RPE65: variants seen among roughly 807,000 people sequenced by gnomAD.
The protein encoded by RPE65 is retinoid isomerohydrolase.
In RPE65, 58 loss-of-function variants were observed where a neutral mutation model predicts 68.5. The ratio of observed to expected loss-of-function variants is 0.85; its 90% CI spans 0.69 to 1.05. The LOEUF is 1.05. RPE65 is among the 50% of genes least tolerant of loss of function. RPE65 has a pLI of 0.00. For synonymous variants in RPE65, 220 were observed against 222.2 expected (o/e 0.99, Z 0.09); for missense variants, 643 against 629.9 (o/e 1.02, Z -0.22).
chr1:68,448,500 A>G, intron 2 of RPE65, 124 bp downstream of exon 2: 1 of 869,260 alleles, frequency 1.2e-6, no homozygotes, highest in Non-Finnish European at 1.9e-6. Flanking sequence ...AAAAAGCCCA[A>G]ACCACCTGAT....
Position 68,429,592 on chromosome 1 carries a change from T to A in RPE65, c.*184A>T. On this transcript the variant is annotated 3_prime_UTR_variant, in exon 14 of 14. Transcript: ENST00000262340. ...AAGTATGATTATCTAAATACGTACTTTTTTTTTTAAATAAAGGAATTGCTT... is the reference window on the plus strand; with the variant it reads ...AAGTATGATTATCTAAATACGTACTATTTTTTTTAAATAAAGGAATTGCTT... 1 of 645,944 alleles carries A rather than the reference T, an allele frequency of 1.5e-6. No homozygotes were observed. The highest frequency in any genetic ancestry group is 2.6e-6 in the Non-Finnish European group (1 of 378,942). 40.0% of individuals were successfully genotyped at this position (645,944 alleles called of 1,614,324 possible).
In RPE65 at chr1:68,431,376, G is replaced by A. The variant is rs1064795255; in HGVS notation, c.1244C>T (p.Ala415Val). ...PEVLFSGPRQ[A>V]FEFPQINYQK... is the part of the protein sequence containing the mutation. ...GTAATTGATTTGAGGAAACTCAAAT[G>A]CTACGAAATAGAGCACATGCTTAGG... Residue 415 changes from alanine to valine, a missense_variant and splice_region_variant, in exon 12 of 14, where the codon GCA (alanine) becomes GTA (valine). Physicochemically the swap from Ala to Val is moderately conservative, Grantham distance 64 (BLOSUM62 0). Coordinates refer to ENST00000262340, the MANE Select transcript of RPE65 (RefSeq NM_000329.3). 1.2e-6 allele frequency: 2 copies of A among 1,613,336 alleles called. No individual in the cohort carries two copies.
At position 68,440,877 on chromosome 1, in the gene RPE65, C is replaced by G. The variant is rs1460185726; in HGVS notation, c.619G>C (p.Val207Leu). 1.2e-6 allele frequency: 2 copies of G among 1,614,006 alleles called. No homozygotes were observed. The highest frequency in any genetic ancestry group is 4.5e-5 in the East Asian group (2 of 44,880). Residue 207 changes from valine (V) to leucine (L), a missense_variant, in exon 6 of 14, where the codon GTA (valine) becomes CTA (leucine). Transcript: ENST00000262340. ...CCTGCTTGCAGTGGTGGGATCTTTA[C>G]AATGTTGTAGGCAATTGAAAAATTT... ...GKNFSIAYNI[V>L]KIPPLQADKE...
chr1:68,439,633 T>A lies in RPE65; in HGVS notation c.653A>T (p.Asp218Val). 6.2e-7 allele frequency: 1 copy of A among 1,613,766 alleles called. No homozygotes were observed. The highest frequency in any genetic ancestry group is 1.1e-5 in the South Asian group (1 of 91,078). ...KIPPLQADKE[D>V]PISKSEIVVQ... The stretch of plus-strand genomic sequence containing the variant: ...AACGATCTCTGACTTGCTTATTGGA[T>A]CTTCCTTGTCTGAAATAAAGTGGTT... The change falls in exon 7 of 14, where the codon GAT (aspartate) becomes GTT (valine). Residue 218 changes from aspartate to valine, a missense_variant. By Grantham distance (152) the Asp-to-Val change is radical (BLOSUM62 -3). Coordinates refer to ENST00000262340, the MANE Select transcript of RPE65 (RefSeq NM_000329.3).
At chr1:68,444,477 AATTTT>A in intron 5 of RPE65, 49 bp downstream of exon 5, 1 of 1,601,770 alleles carries the variant, frequency 6.2e-7, no homozygotes, top group South Asian at 1.1e-5. Flanking sequence ...ATGTTGAATT[AATTTT>A]AAGTTCCAAA....
At chr1:68,435,795 C>G (rs116338530) in intron 10 of RPE65, among the ~76,000 whole-genome samples, 1 of 152,176 alleles carries the variant, frequency 6.6e-6, no homozygotes, top group Non-Finnish European at 1.5e-5. Flanking sequence ...CAATTTATCC[C>G]TCCTGAGAGT....
Position 68,431,181 on chromosome 1 carries a change from T to C in RPE65, c.1339-5A>G. On this transcript the variant is annotated splice_polypyrimidine_tract_variant and splice_region_variant and intron_variant, in intron 12 of 13. Transcript: ENST00000262340. ...TTTGACATTCAGCTTACAGAGCTGT[T>C]TGTGAGAAAGAAAAATCAATCAAGC... 3 of 1,613,494 alleles carry C rather than the reference T, an allele frequency of 1.9e-6. No individual in the cohort carries two copies. Among genetic ancestry groups the C allele is most frequent in the Non-Finnish European group, 2.5e-6 (3 of 1,179,588 alleles).
At position 68,440,872 on chromosome 1, in the gene RPE65, C is replaced by A. The variant is rs1170839612; in HGVS notation, c.624G>T (p.Lys208Asn). 2 of 1,613,980 alleles carry A rather than the reference C, an allele frequency of 1.2e-6. 1 individual carries two copies. Among genetic ancestry groups the A allele is most frequent in the South Asian group, 2.2e-5 (2 of 91,076 alleles). The change falls in exon 6 of 14, where the codon AAG becomes AAT. Residue 208 changes from lysine (K) to asparagine (N), a missense_variant. Physicochemically the swap from Lys to Asn is moderately conservative, Grantham distance 94. Coordinates refer to ENST00000262340, the MANE Select transcript of RPE65 (RefSeq NM_000329.3). ...KNFSIAYNIV[K>N]IPPLQADKED... ...ACTCACCTGCTTGCAGTGGTGGGAT[C>A]TTTACAATGTTGTAGGCAATTGAAA... is the stretch of plus-strand genomic sequence containing the variant.
At chr1:68,438,164 A>G in intron 10 of RPE65, 23 bp downstream of exon 10, 1 of 1,613,572 alleles carries the variant, frequency 6.2e-7, no homozygotes, top group Non-Finnish European at 8.5e-7. Flanking sequence ...GTTAAATCTG[A>G]AATCTACAGA....
intron 10 of RPE65, among the ~76,000 whole-genome samples, chr1:68,437,353 C>T (rs1645869076): frequency 6.6e-6 from 1 of 152,178 alleles, no homozygotes; most frequent in African/African-American, 2.4e-5. Flanking sequence ...CTTTGCCTGT[C>T]TGTAACACTC....
chr1:68,440,888 G>A lies in RPE65; in HGVS notation c.608C>T (p.Ala203Val). 1.2e-6 allele frequency: 2 copies of A among 1,613,952 alleles called. No individual in the cohort carries two copies. The highest frequency in any genetic ancestry group is 8.5e-7 in the Non-Finnish European group (1 of 1,179,918). The change falls in exon 6 of 14, where the codon GCC (alanine) becomes GTC (valine). Residue 203 changes from alanine (A) to valine (V), a missense_variant. By Grantham distance (64) the Ala-to-Val change is moderately conservative. Coordinates refer to ENST00000262340, the MANE Select transcript of RPE65 (RefSeq NM_000329.3). ...TGGTGGGATCTTTACAATGTTGTAG[G>A]CAATTGAAAAATTTTTTCCAAAGCA... Reference protein sequence around the residue: ...GNCFGKNFSIAYNIVKIPPLQ... With the variant: ...GNCFGKNFSIVYNIVKIPPLQ...
chr1:68,441,057 T>C, intron 5 of RPE65, 57 bp from the exon 6 acceptor site: 2 of 1,596,662 alleles, frequency 1.3e-6, no homozygotes, highest in Non-Finnish European at 1.7e-6. Flanking sequence ...ATTATACCTT[T>C]GTCCCTAGGT....
At chr1:68,440,077 G>A (rs77544521) in intron 6 of RPE65, among the ~76,000 whole-genome samples, 3,529 of 152,262 alleles carry the variant, frequency 0.023, 116 homozygotes, top group African/African-American at 0.081. Flanking sequence ...ACTAGTAAGT[G>A]AATGGTCCTC....
intron 10 of RPE65, among the ~76,000 whole-genome samples, chr1:68,436,395 C>T (rs1245565915): frequency 6.6e-6 from 1 of 152,090 alleles, no homozygotes; most frequent in Non-Finnish European, 1.5e-5. Context: ...CAAATTACAT[C>T]TATAAAGTAA....
rs1255454885 is a variant in RPE65 at position 68,431,500 on chromosome 1, G to A, written c.1214C>T (p.Pro405Leu). Residue 405 changes from proline (P) to leucine (L), a missense_variant, in exon 11 of 14, where the codon CCT (proline) becomes CTT (leucine). By Grantham distance (98) the Pro-to-Leu change is moderately conservative (BLOSUM62 -3). Coordinates refer to ENST00000262340, the MANE Select transcript of RPE65 (RefSeq NM_000329.3). ...LCSDETIWLE[P>L]EVLFSGPRQA... ...ACGAGGCCCTGAAAAGAGAACTTCA[G>A]GCTCCAGCCAGATAGTCTCGTCACT... 1.9e-6 allele frequency: 3 copies of A among 1,613,934 alleles called. No homozygotes were observed. Among genetic ancestry groups the A allele is most frequent in the Non-Finnish European group, 2.5e-6 (3 of 1,179,904 alleles).
At chr1:68,441,024 T>C (rs752013538) in intron 5 of RPE65, 24 bp from the exon 6 acceptor site, 1 of 1,613,328 alleles carries the variant, frequency 6.2e-7, no homozygotes, top group Admixed American at 1.7e-5. Flanking sequence ...GTGAATGTCC[T>C]CCAGTTGAGA....
chr1:68,444,597 G>A lies in RPE65; in HGVS notation c.429C>T (p.Tyr143=). The part of the protein sequence containing the change: ...LVNVYPVGED[Y]YACTETNFIT... ...TAAAGTTGGTCTCTGTGCAAGCGTA[G>A]TAATCTTCCCCCACTGGGTAGACAT... The change falls in exon 5 of 14, where the codon TAC becomes TAT. Residue 143 remains tyrosine (Y), a synonymous_variant. Transcript: ENST00000262340. The A allele has an allele frequency of 6.2e-7, 1 of 1,614,130 alleles. No homozygotes were observed.
In RPE65 at chr1:68,438,193, A is replaced by G; in HGVS notation, c.1122T>C (p.Ile374=). Residue 374 remains isoleucine, a synonymous_variant, in exon 10 of 14, where the codon ATT becomes ATC. Transcript: ENST00000262340. ...EVRRYVLPLN[I]DKADTGKNLV... ...CTACAGAGAAGCAGGTTACCTTGTCAATATTCAAAGGAAGTACATATCTCC... is the reference window on the plus strand; with the variant it reads ...CTACAGAGAAGCAGGTTACCTTGTCGATATTCAAAGGAAGTACATATCTCC... 6.2e-7 allele frequency: 1 copy of G among 1,613,936 alleles called. No individual in the cohort carries two copies. The highest frequency in any genetic ancestry group is 8.5e-7 in the Non-Finnish European group (1 of 1,179,896).
rs1444035012 is a variant in RPE65 at position 68,428,869 on chromosome 1, A to C, written c.*907T>G. ...TTAAACAATCTCTGGAAGAAAAGAA[A>C]TTTAAAAACAAAAGGCTTAAAATGT... On this transcript the variant is annotated 3_prime_UTR_variant, in exon 14 of 14. Transcript: ENST00000262340. 6.6e-6 allele frequency: 1 copy of C among 152,164 alleles called. No individual in the cohort carries two copies. Among genetic ancestry groups the C allele is most frequent in the East Asian group, 1.9e-4 (1 of 5,198 alleles). 9.4% of individuals were successfully genotyped at this position (152,164 alleles called of 1,614,324 possible).
Sources: gnomAD v4.1 joint callset for allele counts (sites outside exome capture counted in the v4.1 genomes callset) on GRCh38, gnomAD v4.1.1 for gene constraint, MANE v1.5 for transcripts, NCBI Gene and HGNC (gene_info 2026-07-23, HGNC 2026-07-21) for gene names.